RBPMS: variants seen among roughly 807,000 people sequenced by gnomAD.
RBPMS encodes the protein RNA-binding protein with multiple splicing.
RBPMS carries 7 observed loss-of-function variants against 26.8 expected under a neutral mutation model. That is an observed-to-expected ratio of 0.26 (90% CI 0.15 to 0.49). The LOEUF (loss-of-function observed/expected upper bound fraction) is 0.49, where lower values mean the gene tolerates loss of function less well. Ranked by LOEUF, RBPMS falls within the 20% of genes least tolerant of loss-of-function variation. The pLI is 0.98. For missense variants in RBPMS, 186 were observed against 250.0 expected, an observed-to-expected ratio of 0.74 and a Z score of 1.73; for synonymous variants, 96 against 93.3, an observed-to-expected ratio of 1.03 and a Z score of -0.17.
At chr8:30,452,056 C>T (rs1814648292) in intron 1 of RBPMS, among the ~76,000 whole-genome samples, 1 of 152,162 alleles carries the variant, frequency 6.6e-6, no homozygotes, top group Non-Finnish European at 1.5e-5. Context: ...CTTTGTCCTC[C>T]ATATCACTCT....
At chr8:30,569,128 G>A (rs1381749001) in intron 8 of RBPMS, among the ~76,000 whole-genome samples, 1 of 152,164 alleles carries the variant, frequency 6.6e-6, no homozygotes, top group South Asian at 2.1e-4. Context: ...GTGCCCCTGG[G>A]CTGGTGTACA....
At chr8:30,445,672 A>ATATATATATATATG (rs1162798264) in intron 1 of RBPMS, among the ~76,000 whole-genome samples, 15 of 135,934 alleles carry the variant, frequency 1.1e-4, no homozygotes, top group African/African-American at 3.5e-4. Context: ...ATATATATAT[A>ATATATATATATATG]TATGTATTTT....
In RBPMS at chr8:30,544,563, C is replaced by T. The variant is rs1450971728; in HGVS notation, c.467C>T (p.Ala156Val). ...EVWAPYPLYPAELAPALPPPA... is the reference protein window; with the variant it reads ...EVWAPYPLYPVELAPALPPPA... ...TGGGCCCCGTACCCTCTGTACCCAG[C>T]GGAGTTAGCGCCTGCTCTACCTCCT... The change falls in exon 6 of 9, where the codon GCG (alanine) becomes GTG (valine). Residue 156 changes from alanine to valine, a missense_variant. Around this residue, in one of 3 missense-constraint regions of RBPMS, gnomAD observed 98 missense variants for 113.6 expected, o/e 0.86. Coordinates refer to ENST00000397323, the MANE Select transcript of RBPMS (RefSeq NM_001008710.3). 3.7e-6 allele frequency: 6 copies of T among 1,614,172 alleles called. No homozygotes were observed. Among genetic ancestry groups the T allele is most frequent in the Middle Eastern group, 1.6e-4 (1 of 6,062 alleles).
intron 5 of RBPMS, among the ~76,000 whole-genome samples, chr8:30,544,248 G>C (rs961924646): frequency 9.9e-5 from 15 of 152,240 alleles, no homozygotes; most frequent in African/African-American, 3.6e-4. Flanking sequence ...TCAAGGCGGA[G>C]TCCAGGCCTG....
At chr8:30,440,820 T>A (rs1812984590) in intron 1 of RBPMS, among the ~76,000 whole-genome samples, 1 of 150,500 alleles carries the variant, frequency 6.6e-6, no homozygotes, top group South Asian at 2.1e-4. Context: ...AAGAGATAGG[T>A]TTTCACTATC....
At chr8:30,450,787 C>CGAAAAAA (rs1814478970) in intron 1 of RBPMS, among the ~76,000 whole-genome samples, 1 of 87,384 alleles carries the variant, frequency 1.1e-5, no homozygotes, top group Non-Finnish European at 2.2e-5. Context: ...TGCCTGAAAG[C>CGAAAAAA]AAAAAAAAAA....
At chr8:30,492,892 G>A (rs549335284) in intron 4 of RBPMS, among the ~76,000 whole-genome samples, 45 of 151,670 alleles carry the variant, frequency 3.0e-4, no homozygotes, top group Non-Finnish European at 6.2e-4. Context: ...ACTGATTTAA[G>A]CCTATGATCT....
At chr8:30,530,343 T>C (rs1419667278) in intron 5 of RBPMS, among the ~76,000 whole-genome samples, 1 of 152,256 alleles carries the variant, frequency 6.6e-6, no homozygotes, top group Non-Finnish European at 1.5e-5. Context: ...ATCACATTAG[T>C]TGTGGGACGT....
chr8:30,490,268 T>G (rs1819246504), intron 4 of RBPMS, among the ~76,000 whole-genome samples: 1 of 152,248 alleles, frequency 6.6e-6, no homozygotes, highest in African/African-American at 2.4e-5. Context: ...ATCCTTAATA[T>G]TCTCAAGCCT....
chr8:30,517,300 TAG>T (rs1349908241), intron 5 of RBPMS, among the ~76,000 whole-genome samples: 1 of 151,362 alleles, frequency 6.6e-6, no homozygotes, highest in Non-Finnish European at 1.5e-5. Flanking sequence ...GATGGTCGCT[TAG>T]AGAGTTAAAT....
chr8:30,472,038 A>ATAG (rs555878772), intron 1 of RBPMS, among the ~76,000 whole-genome samples: 63 of 152,364 alleles, frequency 4.1e-4, no homozygotes, highest in African/African-American at 1.4e-3. Flanking sequence ...CCTTTCATAT[A>ATAG]TAGGCATTCC....
chr8:30,511,306 T>A (rs1456910707), intron 5 of RBPMS, among the ~76,000 whole-genome samples: 1 of 151,120 alleles, frequency 6.6e-6, no homozygotes, highest in African/African-American at 2.4e-5. Flanking sequence ...AGAGCGAGAC[T>A]CTGCCTCAAA....
At chr8:30,530,681 C>G (rs1395554802) in intron 5 of RBPMS, among the ~76,000 whole-genome samples, 2 of 152,106 alleles carry the variant, frequency 1.3e-5, no homozygotes, top group Admixed American at 6.5e-5. Context: ...AGGTTGGTCT[C>G]GAACTCCCGA....
chr8:30,471,311 G>T (rs1389519989), intron 1 of RBPMS, among the ~76,000 whole-genome samples: 3 of 152,032 alleles, frequency 2.0e-5, no homozygotes, highest in Non-Finnish European at 2.9e-5. Context: ...ATGAACCTTA[G>T]TTTATATTAA....
intron 7 of RBPMS, 31 bp downstream of exon 7, chr8:30,558,987 A>C: frequency 1.9e-6 from 3 of 1,586,448 alleles, no homozygotes; most frequent in Non-Finnish European, 2.6e-6. Flanking sequence ...GGAATGTGCG[A>C]AGCCCCTAGA....
chr8:30,528,577 T>C (rs1823860252), intron 5 of RBPMS, among the ~76,000 whole-genome samples: 1 of 152,226 alleles, frequency 6.6e-6, no homozygotes, highest in Admixed American at 6.5e-5. Flanking sequence ...AATTCAATAA[T>C]GAGGATGATA....
At chr8:30,391,099 A>G (rs762424403) in intron 1 of RBPMS, among the ~76,000 whole-genome samples, 28 of 148,666 alleles carry the variant, frequency 1.9e-4, no homozygotes, top group Admixed American at 4.0e-4. Flanking sequence ...TCAAATAGCC[A>G]CTGCTGGAAA....
At chr8:30,535,817 T>C (rs2915590) in intron 5 of RBPMS, among the ~76,000 whole-genome samples, 29,174 of 152,124 alleles carry the variant, frequency 0.19, 3,145 homozygotes, top group South Asian at 0.39. Flanking sequence ...GTTAGGTGTA[T>C]TGAGATCCTT....
intron 1 of RBPMS, among the ~76,000 whole-genome samples, chr8:30,450,293 G>A (rs1161595789): frequency 6.6e-6 from 1 of 152,168 alleles, no homozygotes; most frequent in Non-Finnish European, 1.5e-5. Flanking sequence ...TAGTTTCTAA[G>A]AATTCATAAT....
Sources: allele counts gnomAD v4.1 joint callset (sites outside exome capture counted in the v4.1 genomes callset), GRCh38; gene constraint gnomAD v4.1.1; regional missense constraint gnomAD v4.1.1; transcripts MANE v1.5; gene names NCBI Gene and HGNC (gene_info 2026-07-23, HGNC 2026-07-21).